AMOTL1: variants seen among roughly 807,000 people sequenced by gnomAD.
The protein encoded by AMOTL1 is angiomotin like 1, also known as angiomotin-like protein 1.
In AMOTL1, 45 loss-of-function variants were observed where a neutral mutation model predicts 102.9. That is an observed-to-expected ratio of 0.44 (90% CI 0.34 to 0.56). The LOEUF (loss-of-function observed/expected upper bound fraction) is 0.56. Among genes scored for constraint, AMOTL1 ranks in the 20% least tolerant of loss-of-function variants. The probability of loss-of-function intolerance (pLI) is 0.01; values close to 1 mark genes in which losing one functional copy is unlikely to be tolerated. For missense variants in AMOTL1, 1,114 were observed against 1,225.6 expected (o/e 0.91, Z 1.36); for synonymous variants, 481 against 484.7 (o/e 0.99, Z 0.10).
At chr11:94,707,238 CTCTCTCTCTCTCTGTG>C (rs1220130664) in intron 1 of AMOTL1, among the ~76,000 whole-genome samples, 91 of 82,888 alleles carry the variant, frequency 1.1e-3, no homozygotes, top group Non-Finnish European at 2.0e-3. Context: ...CTCTCTCTCT[CTCTCTCTCTCTCTGTG>C]TGTGTGTGTG....
In AMOTL1 at chr11:94,866,167, A is replaced by G; in HGVS notation, c.2487A>G (p.Ile829Met). The change falls in exon 11 of 13, where the codon ATA becomes ATG. Residue 829 changes from isoleucine (I) to methionine (M), a missense_variant and splice_region_variant. Coordinates refer to ENST00000433060, the MANE Select transcript of AMOTL1 (RefSeq NM_130847.3). Reference sequence around the variant, plus strand: ...AAGAGAAGACCTGGAAGGGGAGCATAGGTGAGCCCCACACCTCTGTCAGAC... The same window carrying G: ...AAGAGAAGACCTGGAAGGGGAGCATGGGTGAGCCCCACACCTCTGTCAGAC... ...KKEEKTWKGSIGLLLGKEHHE... is the reference protein window; with the variant it reads ...KKEEKTWKGSMGLLLGKEHHE... 1 of 1,613,784 alleles carries G rather than the reference A, an allele frequency of 6.2e-7. No individual in the cohort carries two copies. Among genetic ancestry groups the G allele is most frequent in the Admixed American group, 1.7e-5 (1 of 60,008 alleles).
intron 2 of AMOTL1, among the ~76,000 whole-genome samples, chr11:94,738,949 A>C (rs1950478072): frequency 6.6e-6 from 1 of 152,166 alleles, no homozygotes; most frequent in Admixed American, 6.5e-5. Context: ...AGAAAGGGAT[A>C]AGATGCAGAA....
At chr11:94,836,725 T>C (rs565775737) in intron 6 of AMOTL1, among the ~76,000 whole-genome samples, 12 of 152,000 alleles carry the variant, frequency 7.9e-5, no homozygotes, top group Non-Finnish European at 1.5e-4. Flanking sequence ...TAAAAATAGC[T>C]GAATTTCTTT....
intron 3 of AMOTL1, among the ~76,000 whole-genome samples, chr11:94,755,831 T>C (rs1950717175): frequency 6.6e-6 from 1 of 152,186 alleles, no homozygotes; most frequent in East Asian, 1.9e-4. Flanking sequence ...CTTTCAGTTT[T>C]GCTGTCTGCA....
At chr11:94,706,757 G>T (rs1422338727) in intron 1 of AMOTL1, among the ~76,000 whole-genome samples, 1 of 152,198 alleles carries the variant, frequency 6.6e-6, no homozygotes, top group Admixed American at 6.5e-5. Flanking sequence ...CACCTGGTGG[G>T]GTGGCAGACC....
At chr11:94,816,818 A>G (rs1164596549) in intron 3 of AMOTL1, among the ~76,000 whole-genome samples, 1 of 152,192 alleles carries the variant, frequency 6.6e-6, no homozygotes, top group Non-Finnish European at 1.5e-5. Context: ...TTTGTGAGAC[A>G]CAGGGCCAGA....
At chr11:94,844,762 T>TG (rs1235417868) in intron 6 of AMOTL1, among the ~76,000 whole-genome samples, 2 of 152,206 alleles carry the variant, frequency 1.3e-5, no homozygotes, top group Admixed American at 1.3e-4. Flanking sequence ...CTCTTAATAC[T>TG]GTTACAATGA....
intron 1 of AMOTL1, among the ~76,000 whole-genome samples, chr11:94,769,448 G>T (rs897091914): frequency 6.6e-6 from 1 of 152,138 alleles, no homozygotes; most frequent in Non-Finnish European, 1.5e-5. Context: ...CCTGGACTGC[G>T]CTCGCGGCGA....
chr11:94,728,846 C>A (rs911577175), intron 1 of AMOTL1: 1 of 661,034 alleles, frequency 1.5e-6, no homozygotes, highest in Non-Finnish European at 2.2e-6. Flanking sequence ...CACTTTCCTT[C>A]AAGAAAGCTT....
intron 1 of AMOTL1, among the ~76,000 whole-genome samples, chr11:94,711,381 C>G (rs1170806104): frequency 2.0e-5 from 3 of 152,068 alleles, no homozygotes; most frequent in Non-Finnish European, 4.4e-5. Context: ...ATTTACATAC[C>G]TATAGTACAA....
chr11:94,853,811 G>T, intron 7 of AMOTL1, 122 bp from the exon 8 acceptor site: 1 of 1,089,762 alleles, frequency 9.2e-7, no homozygotes. Context: ...GTAGGGCGGT[G>T]GGAGGTACGT....
intron 7 of AMOTL1, 61 bp downstream of exon 7, chr11:94,850,320 A>G: frequency 1.3e-6 from 2 of 1,502,428 alleles, no homozygotes; most frequent in Middle Eastern, 2.3e-4. Context: ...GAGGGCTTCC[A>G]CTTTCTTTTC....
intron 3 of AMOTL1, among the ~76,000 whole-genome samples, chr11:94,751,163 A>G (rs1334078834): frequency 6.6e-6 from 1 of 152,196 alleles, no homozygotes; most frequent in Non-Finnish European, 1.5e-5. Context: ...AGTACAATAC[A>G]TGGATATTCA....
chr11:94,761,572 G>A (rs1174537756), intron 3 of AMOTL1, among the ~76,000 whole-genome samples: 1 of 151,958 alleles, frequency 6.6e-6, no homozygotes, highest in Non-Finnish European at 1.5e-5. Context: ...CCATACTTTG[G>A]ACTTTTCTGA....
chr11:94,805,889 C>T (rs1456840170), intron 3 of AMOTL1, among the ~76,000 whole-genome samples: 1 of 152,222 alleles, frequency 6.6e-6, no homozygotes, highest in African/African-American at 2.4e-5. Context: ...AAGCAGACTT[C>T]TTGCCTTGTC....
chr11:94,734,854 C>G (rs950446232), intron 2 of AMOTL1, among the ~76,000 whole-genome samples: 1 of 152,170 alleles, frequency 6.6e-6, no homozygotes, highest in Non-Finnish European at 1.5e-5. Context: ...TGGTGATTTC[C>G]TTGGGGGCTG....
chr11:94,828,602 A>G (rs1024027181), intron 4 of AMOTL1, among the ~76,000 whole-genome samples: 4 of 152,334 alleles, frequency 2.6e-5, no homozygotes, highest in East Asian at 1.9e-4. Context: ...TTACAGGCCA[A>G]CTTAAGACTC....
chr11:94,728,052 T>G lies in AMOTL1; in HGVS notation c.-50-869T>G, dbSNP rs144931218. Among the ~76,000 whole-genome samples the G allele has an allele frequency of 7.8e-4, 119 of 152,346 alleles. No individual in the cohort carries two copies. In the Middle Eastern group the frequency reaches 0.017, roughly 22 times the overall value. On this transcript the variant is annotated intron_variant, in intron 1 of 4. Transcript: ENST00000299004. ...AAATGATGATTGGTGCCTATCCTAA[T>G]TAGGCTGACAGGACTTCTACTGTGT...
At chr11:94,773,677 A>G (rs1950984823) in intron 1 of AMOTL1, among the ~76,000 whole-genome samples, 1 of 152,190 alleles carries the variant, frequency 6.6e-6, no homozygotes, top group Non-Finnish European at 1.5e-5. Flanking sequence ...CAGTTTTTAG[A>G]TCTTTATTGC....
Sources: gnomAD v4.1 joint callset for allele counts (sites outside exome capture counted in the v4.1 genomes callset) on GRCh38, gnomAD v4.1.1 for gene constraint, MANE v1.5 for transcripts, NCBI Gene and HGNC (gene_info 2026-07-23, HGNC 2026-07-21) for gene names.